AFF1: variants seen among roughly 807,000 people sequenced by gnomAD.
AFF1 encodes ALF transcription elongation factor 1.
AFF1 carries 48 observed loss-of-function variants against 121.7 expected under a neutral mutation model. That is an observed-to-expected ratio of 0.39 (90% confidence interval 0.31 to 0.50). The LOEUF is 0.50. Ranked by LOEUF, AFF1 falls within the 20% of genes least tolerant of loss-of-function variation. AFF1 has a pLI of 0.76. For synonymous variants in AFF1, 613 were observed against 563.0 expected (o/e 1.09, Z -1.26); for missense variants, 1,523 against 1,511.7 (o/e 1.01, Z -0.12).
chr4:87,132,502 A>G, intron 19 of AFF1, 94 bp downstream of exon 19: 1 of 1,289,534 alleles, frequency 7.8e-7, no homozygotes, highest in South Asian at 1.8e-5. Flanking sequence ...TACATATGTC[A>G]CTTTGCCTTT....
At chr4:87,012,654 A>C (rs1021367526) in intron 2 of AFF1, among the ~76,000 whole-genome samples, 2 of 152,226 alleles carry the variant, frequency 1.3e-5, no homozygotes, top group Non-Finnish European at 2.9e-5. Context: ...CATTTGCTCA[A>C]AATAACACAG....
intron 2 of AFF1, among the ~76,000 whole-genome samples, chr4:86,961,734 C>A (rs534126544): frequency 1.3e-5 from 2 of 151,892 alleles, no homozygotes; most frequent in South Asian, 4.2e-4. Context: ...CGTTTCAGAG[C>A]CCTTTTCATC....
intron 12 of AFF1, among the ~76,000 whole-genome samples, chr4:87,115,734 G>C (rs1727052738): frequency 1.3e-5 from 2 of 149,266 alleles, no homozygotes; most frequent in Admixed American, 1.4e-4. Flanking sequence ...TCAGCCTCCT[G>C]AGTAGCTGGG....
In AFF1 at chr4:87,127,634, CT is replaced by C; in HGVS notation, c.2904-4del. The C allele has an allele frequency of 6.2e-7, 1 of 1,613,864 alleles. No homozygotes were observed. Reference sequence around the variant, plus strand: ...ATATGACCTGTCCCTGGTTTTTCCTCTTTTTCAGACAACAAGCAGACCTTCA... The same window carrying C: ...ATATGACCTGTCCCTGGTTTTTCCTCTTTTCAGACAACAAGCAGACCTTCA... On this transcript the variant is annotated splice_region_variant and splice_polypyrimidine_tract_variant and intron_variant, in intron 15 of 20. Transcript: ENST00000395146.
At chr4:86,996,002 C>A (rs1244403192) in intron 2 of AFF1, among the ~76,000 whole-genome samples, 1 of 151,370 alleles carries the variant, frequency 6.6e-6, no homozygotes, top group African/African-American at 2.4e-5. Flanking sequence ...CCGGCAGCCG[C>A]CCCGTCTGAG....
chr4:87,129,610 A>G (rs188857973), intron 16 of AFF1, among the ~76,000 whole-genome samples: 1 of 152,210 alleles, frequency 6.6e-6, no homozygotes, highest in East Asian at 1.9e-4. Context: ...TAATTGGGGA[A>G]TACTCATTTG....
intron 2 of AFF1, among the ~76,000 whole-genome samples, chr4:87,038,414 A>G (rs1189985533): frequency 3.9e-5 from 6 of 152,164 alleles, no homozygotes; most frequent in Non-Finnish European, 5.9e-5. Flanking sequence ...TCAAACTAGT[A>G]TTGTGCTTGG....
chr4:86,996,198 C>T (rs1288132475), intron 2 of AFF1, among the ~76,000 whole-genome samples: 7 of 152,202 alleles, frequency 4.6e-5, no homozygotes, highest in Admixed American at 4.6e-4. Context: ...GCCCCTCTGC[C>T]TGGCCACCAC....
intron 4 of AFF1, among the ~76,000 whole-genome samples, chr4:87,070,124 C>T (rs1168480678): frequency 6.6e-6 from 1 of 152,236 alleles, no homozygotes; most frequent in Non-Finnish European, 1.5e-5. Flanking sequence ...CTGCGTCAGC[C>T]TCCTGAGTAG....
intron 2 of AFF1, among the ~76,000 whole-genome samples, chr4:86,987,971 A>G (rs1292126018): frequency 1.3e-5 from 2 of 150,874 alleles, no homozygotes; most frequent in African/African-American, 2.4e-5. Flanking sequence ...AAATTATCCA[A>G]TTTTAAGCTG....
rs1412881371 is a variant in AFF1, at chr4:87,115,164, C to G, written c.2331C>G (p.Leu777=). Residue 777 remains leucine, a synonymous_variant, in exon 12 of 21, where the codon CTC becomes CTG. Transcript: ENST00000395146. The stretch of plus-strand genomic sequence containing the variant: ...TGGTGAAGATCACCCTAGACCTGCT[C>G]TCTCGGATACCCCAGCCTCCCGGGA... ...SLMVKITLDL[L]SRIPQPPGKG... 1 of 1,614,196 alleles carries G rather than the reference C, an allele frequency of 6.2e-7. No individual in the cohort carries two copies.
At chr4:86,969,896 A>AAAAAAAAAAAAAAAAAAAAC (rs1722820989) in intron 2 of AFF1, among the ~76,000 whole-genome samples, 1 of 149,592 alleles carries the variant, frequency 6.7e-6, no homozygotes, top group Non-Finnish European at 1.5e-5. Flanking sequence ...AAAAAAAAAA[A>AAAAAAAAAAAAAAAAAAAAC]AGGTAAGATA....
At position 86,963,598 on chromosome 4, in the gene AFF1, A is replaced by G. The variant is rs115272206; in HGVS notation, c.38+15027A>G. On this transcript the variant is annotated intron_variant, in intron 2 of 20. Transcript: ENST00000395146. The stretch of plus-strand genomic sequence containing the variant: ...TCCAGTATTGTATTTTAACCTTATA[A>G]AGATCTTATAGGGTAGGTCAGGCAG... Among the ~76,000 whole-genome samples the G allele has an allele frequency of 7.9e-4, 121 of 152,296 alleles. 1 individual carries two copies. Among genetic ancestry groups the G allele is most frequent in the Non-Finnish European group, 1.3e-3 (89 of 68,036 alleles).
chr4:87,110,470 T>C (rs1387890394), intron 11 of AFF1, among the ~76,000 whole-genome samples: 1 of 149,488 alleles, frequency 6.7e-6, no homozygotes, highest in Non-Finnish European at 1.5e-5. Flanking sequence ...TGTTTTGTTT[T>C]GTTTTGTTTT....
chr4:87,130,715 T>A (rs1393129393), intron 16 of AFF1, among the ~76,000 whole-genome samples: 2 of 152,208 alleles, frequency 1.3e-5, no homozygotes, highest in East Asian at 3.8e-4. Context: ...GAAATATGCG[T>A]CTGCATTACT....
At chr4:87,124,128 G>C (rs1727987733) in intron 12 of AFF1, among the ~76,000 whole-genome samples, 1 of 152,234 alleles carries the variant, frequency 6.6e-6, no homozygotes, top group Admixed American at 6.5e-5. Flanking sequence ...ATGCAAGAAA[G>C]ACTTTCATCG....
intron 2 of AFF1, among the ~76,000 whole-genome samples, chr4:87,027,784 G>GTTTTTTTTTTTTTTT (rs35903702): frequency 1.1e-5 from 1 of 90,598 alleles, no homozygotes; most frequent in Non-Finnish European, 2.0e-5. Context: ...TTGCTGTTGG[G>GTTTTTTTTTTTTTTT]TTTTTTTTTT....
chr4:87,129,745 G>A (rs150539688), intron 16 of AFF1, among the ~76,000 whole-genome samples: 20 of 152,282 alleles, frequency 1.3e-4, no homozygotes, highest in Non-Finnish European at 8.8e-5. Flanking sequence ...TATACTACAT[G>A]TGTATATGTA....
At chr4:86,946,412 C>T (rs1186657486) in intron 1 of AFF1, among the ~76,000 whole-genome samples, 1 of 151,866 alleles carries the variant, frequency 6.6e-6, no homozygotes, top group African/African-American at 2.4e-5. Context: ...GGCTGGAGGG[C>T]AGTGGTGCAA....
Sources: allele counts gnomAD v4.1 joint callset (sites outside exome capture counted in the v4.1 genomes callset), GRCh38; gene constraint gnomAD v4.1.1; transcripts MANE v1.5; gene names NCBI Gene and HGNC (gene_info 2026-07-23, HGNC 2026-07-21).